CPSF1: variants seen among roughly 807,000 people sequenced by gnomAD.
CPSF1 encodes the protein cleavage and polyadenylation specificity factor subunit 1.
A neutral mutation model predicts 175.8 loss-of-function variants in CPSF1; 106 were observed. The ratio of observed to expected loss-of-function variants is 0.60; its 90% CI spans 0.52 to 0.71. The LOEUF is 0.71. Among genes scored for constraint, CPSF1 ranks in the 30% least tolerant of loss-of-function variants. CPSF1 has a pLI of 0.00. For synonymous variants in CPSF1, 1,024 were observed against 858.3 expected, an observed-to-expected ratio of 1.19 and a Z score of -3.37; for missense variants, 1,734 against 2,022.9, an observed-to-expected ratio of 0.86 and a Z score of 2.74.
chr8:144,400,135 G>GGGCGCCCCCCC, intron 9 of CPSF1, 31 bp downstream of exon 9: 1 of 896,012 alleles, frequency 1.1e-6, no homozygotes, highest in Non-Finnish European at 1.6e-6. Context: ...CCGTCCCCGG[G>GGGCGCCCCCCC]CCCCCCCCGC....
Position 144,394,670 on chromosome 8 carries a change from G to C in CPSF1, c.3541C>G (p.His1181Asp). The change falls in exon 31 of 38, where the codon CAC becomes GAC. Residue 1181 changes from histidine (H) to aspartate (D), a missense_variant. Transcript: ENST00000616140. ...TTCTGGCCGATGGCCGACACCAGGT[G>C]GCCATTGCAGTGGCACAGGGCGGTC... ...PVTALCHCNG[H>D]LVSAIGQKIF... is the part of the protein sequence containing the mutation. 3 of 1,610,720 alleles carry C rather than the reference G, an allele frequency of 1.9e-6. No homozygotes were observed. Among genetic ancestry groups the C allele is most frequent in the Non-Finnish European group, 2.5e-6 (3 of 1,178,854 alleles).
intron 2 of CPSF1, among the ~76,000 whole-genome samples, chr8:144,402,868 T>G (rs1821295258): frequency 6.6e-6 from 1 of 151,922 alleles, no homozygotes; most frequent in African/African-American, 2.4e-5. Context: ...GACACCAACC[T>G]CCTCAAAACG....
chr8:144,405,118 A>G (rs1195951087), intron 2 of CPSF1, among the ~76,000 whole-genome samples: 2 of 152,328 alleles, frequency 1.3e-5, no homozygotes, highest in Middle Eastern at 3.4e-3. Context: ...CAGGGTTTCA[A>G]AATAAGTCCC....
rs2116862757 is a variant in CPSF1 at position 144,399,452 on chromosome 8, C to T, written c.1294G>A (p.Ala432Thr). ...KRVDATAGWS[A>T]AGKSVPQDEV... ...TGACCAGCCCTGGACCGGCCCTCAC[C>T]TGACCAGCCGGCCGTCGCATCCACT... Residue 432 changes from alanine (A) to threonine (T), a missense_variant and splice_region_variant, in exon 13 of 38, where the codon GCT becomes ACT. Around this residue, in one of 10 missense-constraint regions of CPSF1, gnomAD observed 162 missense variants for 169.5 expected, o/e 0.96. Transcript: ENST00000616140. This position sits in a 1 kb window ranked among gnomAD's most constrained non-coding sequence, Gnocchi z 6.4. 6.2e-7 allele frequency: 1 copy of T among 1,612,968 alleles called. No individual in the cohort carries two copies.
chr8:144,394,215 C>T lies in CPSF1; in HGVS notation c.3811+19G>A. The T allele has an allele frequency of 6.2e-7, 1 of 1,610,290 alleles. No individual in the cohort carries two copies. Among genetic ancestry groups the T allele is most frequent in the Non-Finnish European group, 8.5e-7 (1 of 1,178,660 alleles). On this transcript the variant is annotated intron_variant, in intron 33 of 37. Coordinates refer to ENST00000616140, the MANE Select transcript of CPSF1 (RefSeq NM_013291.3). ...GGCCACCCCCAGAGCCTCAGCTCCC[C>T]AGGGCCCTGCCCACATACCCAGAAA...
At chr8:144,395,748 C>T (rs1315663035) in intron 26 of CPSF1, 197 bp from the exon 27 acceptor site, 37 of 603,982 alleles carry the variant, frequency 6.1e-5, no homozygotes, top group Non-Finnish European at 7.6e-5. Flanking sequence ...CATTTTCCCA[C>T]GCTCAGCTGG....
chr8:144,393,858 GAC>G (rs1554862415), intron 35 of CPSF1, 23 bp downstream of exon 35: 2 of 1,603,046 alleles, frequency 1.2e-6, no homozygotes, highest in Non-Finnish European at 8.5e-7. Context: ...CCCCCACCCA[GAC>G]ACACCTGCTC....
Position 144,397,547 on chromosome 8 carries a change from T to TGCAGGGTCCCGGTCA in CPSF1, c.2310_2324dup (p.Asp771_Ala775dup). 1.3e-6 allele frequency: 2 copies of TGCAGGGTCCCGGTCA among 1,563,468 alleles called. No homozygotes were observed. The highest frequency in any genetic ancestry group is 1.7e-6 in the Non-Finnish European group (2 of 1,148,918). ...AGTGGGTAGGCTCTGCCCGGAAGGG[T>TGCAGGGTCCCGGTCA]GCAGGGTCCCGGTCAGCAGGGGGCT... On this transcript the variant is annotated inframe_insertion, in exon 22 of 38. Coordinates refer to ENST00000616140, the MANE Select transcript of CPSF1 (RefSeq NM_013291.3).
In CPSF1 at chr8:144,400,685, G is replaced by A; in HGVS notation, c.672C>T (p.Asn224=). Residue 224 remains asparagine (N), a synonymous_variant, in exon 7 of 38, where the codon AAC becomes AAT. Coordinates refer to ENST00000616140, the MANE Select transcript of CPSF1 (RefSeq NM_013291.3). ...AGGGGGCTCACCCAGGCCAGGTCTG[G>A]TTGGGCTCAAACAGGATGAGGAGGG... ...EPTLLILFEP[N]QTWPGRVAVR... 1.9e-6 allele frequency: 3 copies of A among 1,608,658 alleles called. No individual in the cohort carries two copies. Among genetic ancestry groups the A allele is most frequent in the Non-Finnish European group, 2.5e-6 (3 of 1,177,696 alleles).
intron 9 of CPSF1, 26 bp downstream of exon 9, chr8:144,400,140 C>CCCCCCCCCCA: frequency 8.1e-7 from 1 of 1,242,180 alleles, no homozygotes; most frequent in Non-Finnish European, 1.1e-6. Flanking sequence ...CCCGGGCCCC[C>CCCCCCCCCCA]CCCGCCCCAG....
Position 144,394,558 on chromosome 8 carries a change from G to C in CPSF1, c.3568-3C>G. ...GCCCGCAGGCTCCACAGGAAAATCTGGGGGCGAGGGCGAGGGTGAGCGGGC... is the reference window on the plus strand; with the variant it reads ...GCCCGCAGGCTCCACAGGAAAATCTCGGGGCGAGGGCGAGGGTGAGCGGGC... On this transcript the variant is annotated splice_region_variant and splice_polypyrimidine_tract_variant and intron_variant, in intron 31 of 37. Transcript: ENST00000616140. 1 of 1,608,386 alleles carries C rather than the reference G, an allele frequency of 6.2e-7. No homozygotes were observed. The highest frequency in any genetic ancestry group is 8.5e-7 in the Non-Finnish European group (1 of 1,177,762).
Position 144,396,708 on chromosome 8 carries a change from G to T in CPSF1, c.2716C>A (p.Pro906Thr), listed in dbSNP as rs572559162. 3 of 1,613,940 alleles carry T rather than the reference G, an allele frequency of 1.9e-6. No homozygotes were observed. Among genetic ancestry groups the T allele is most frequent in the South Asian group, 2.2e-5 (2 of 91,088 alleles). The change falls in exon 25 of 38, where the codon CCA becomes ACA. Residue 906 changes from proline (P) to threonine (T), a missense_variant. This residue lies in a region of CPSF1 where 585 missense variants were observed against 584.7 expected (regional missense o/e 1.00). Coordinates refer to ENST00000616140, the MANE Select transcript of CPSF1 (RefSeq NM_013291.3). ...TCTGCTTTCTTCTTGGATGGCTTTG[G>T]CTTCTTCTCACGGAAGTTGATGTTG... ...PHNINFREKK[P>T]KPSKKKAEGG...
At position 144,396,179 on chromosome 8, in the gene CPSF1, G is replaced by A. The variant is rs1016420747; in HGVS notation, c.2979+169C>T. ...CCAACCACCCCTTTCCAGACCTTTGGAGCAACCAAGTCACAGGTTCCACCT... is the reference window on the plus strand; with the variant it reads ...CCAACCACCCCTTTCCAGACCTTTGAAGCAACCAAGTCACAGGTTCCACCT... On this transcript the variant is annotated intron_variant, in intron 26 of 37. Transcript: ENST00000616140. The A allele has an allele frequency of 4.4e-5, 32 of 721,802 alleles. 1 individual carries two copies. The South Asian group carries it at 5.3e-4, about 12-fold the overall frequency. The allele number at this position is 721,802 out of a possible 1,614,324, so 44.7% of individuals were successfully genotyped here.
chr8:144,396,712 C>CT lies in CPSF1; in HGVS notation c.2711dup (p.Lys905GlufsTer104). 1 of 1,613,958 alleles carries CT rather than the reference C, an allele frequency of 6.2e-7. No individual in the cohort carries two copies. The highest frequency in any genetic ancestry group is 8.5e-7 in the Non-Finnish European group (1 of 1,180,028). ...CTTTCTTCTTGGATGGCTTTGGCTT[C>CT]TTCTCACGGAAGTTGATGTTGTGAG... On this transcript the variant is annotated frameshift_variant, in exon 25 of 38. Coordinates refer to ENST00000616140, the MANE Select transcript of CPSF1 (RefSeq NM_013291.3). LOFTEE classifies it high-confidence loss of function.
chr8:144,397,690 C>A (rs782504758), intron 21 of CPSF1, 29 bp from the exon 22 acceptor site: 1 of 1,562,098 alleles, frequency 6.4e-7, no homozygotes, highest in Non-Finnish European at 8.7e-7. Flanking sequence ...TCATGGGCGG[C>A]CTGCCAGCCC....
chr8:144,401,091 G>T lies in CPSF1; in HGVS notation c.388-16C>A. On this transcript the variant is annotated splice_polypyrimidine_tract_variant and intron_variant, in intron 5 of 37. Coordinates refer to ENST00000616140, the MANE Select transcript of CPSF1 (RefSeq NM_013291.3). ...CAAACCCGTCCTGGGGGCAGAGGGG[G>T]CATCAGCCAGGCCCAGCATAGGAGA... 6.2e-7 allele frequency: 1 copy of T among 1,603,862 alleles called. No individual in the cohort carries two copies. The highest frequency in any genetic ancestry group is 1.1e-5 in the South Asian group (1 of 90,216).
At position 144,401,019 on chromosome 8, in the gene CPSF1, G is replaced by A. The variant is rs1279094843; in HGVS notation, c.444C>T (p.Arg148=). 1 of 1,609,506 alleles carries A rather than the reference G, an allele frequency of 6.2e-7. No homozygotes were observed. The change falls in exon 6 of 38, where the codon CGC becomes CGT. Residue 148 remains arginine (R), a synonymous_variant. Coordinates refer to ENST00000616140, the MANE Select transcript of CPSF1 (RefSeq NM_013291.3). ...TGCCGTAGACAAGCATGGCTGCACA[G>A]CGCCCGTCGGGGTCCACCCGCACTC... ...TPRVRVDPDG[R]CAAMLVYGTR...
chr8:144,403,064 T>C (rs1821303455), intron 2 of CPSF1, among the ~76,000 whole-genome samples: 1 of 151,642 alleles, frequency 6.6e-6, no homozygotes, highest in Non-Finnish European at 1.5e-5. Context: ...GCATTCGTGA[T>C]AAAAACTCCT....
rs528419306 is a variant in CPSF1, at chr8:144,397,803, G to T, written c.2150C>A (p.Ala717Asp). 1 of 1,610,810 alleles carries T rather than the reference G, an allele frequency of 6.2e-7. No individual in the cohort carries two copies. Among genetic ancestry groups the T allele is most frequent in the Non-Finnish European group, 8.5e-7 (1 of 1,179,248 alleles). Residue 717 changes from alanine to aspartate, a missense_variant, in exon 21 of 38, where the codon GCC becomes GAC. Transcript: ENST00000616140. ...ACTGCGGCCCCCGAGCTCGTCACGGGCCCCACCCAGGCGGCTCTCAGTGGT... is the reference window on the plus strand; with the variant it reads ...ACTGCGGCCCCCGAGCTCGTCACGGTCCCCACCCAGGCGGCTCTCAGTGGT... ...MFTTESRLGG[A>D]RDELGGRSGP... is the part of the protein sequence containing the mutation.
Sources: gnomAD v4.1 joint callset for allele counts (sites outside exome capture counted in the v4.1 genomes callset) on GRCh38, gnomAD v4.1.1 for gene constraint, gnomAD v4.1.1 regional missense constraint, Gnocchi (gnomAD v3.1) non-coding constraint, MANE v1.5 for transcripts, NCBI Gene and HGNC (gene_info 2026-07-23, HGNC 2026-07-21) for gene names.